The following DAAM2 variants were observed in gnomAD, a reference collection of about 807,000 sequenced individuals.
The protein encoded by DAAM2 is dishevelled associated activator of morphogenesis 2.
Under a neutral mutation model 120.7 loss-of-function variants are expected in DAAM2, and 39 were observed. That is an observed-to-expected ratio of 0.32 (90% CI 0.25 to 0.42). The LOEUF (loss-of-function observed/expected upper bound fraction) is 0.42, where lower values mean the gene tolerates loss of function less well. Ranked by LOEUF, DAAM2 falls within the 10% of genes least tolerant of loss-of-function variation. The pLI, the probability that DAAM2 is intolerant of heterozygous loss-of-function variation, is 1.00. For missense variants in DAAM2, 1,283 were observed against 1,401.7 expected (o/e 0.92, Z 1.35); for synonymous variants, 488 against 524.9 (o/e 0.93, Z 0.96).
chr6:39,795,565 G>A (rs1002466515), intron 1 of DAAM2, among the ~76,000 whole-genome samples: 10 of 152,168 alleles, frequency 6.6e-5, no homozygotes, highest in Non-Finnish European at 1.3e-4. Context: ...TAAGAACAGA[G>A]CTCAGAATGT....
chr6:39,880,841 T>A (rs1453026478), intron 14 of DAAM2, among the ~76,000 whole-genome samples: 1 of 152,190 alleles, frequency 6.6e-6, no homozygotes, highest in African/African-American at 2.4e-5. Context: ...ATTGTTGAGG[T>A]TGGTGACAGG....
Position 39,904,101 on chromosome 6 carries a change from G to A in DAAM2, c.*2064G>A, listed in dbSNP as rs972340078. On this transcript the variant is annotated 3_prime_UTR_variant, in exon 25 of 25. Coordinates refer to ENST00000274867, the MANE Select transcript of DAAM2 (RefSeq NM_001201427.2). ...GGGAACAGGGGAGGGCTCCACAAGC[G>A]TGTCTGGCATTCCCACCCACCATGG... The A allele has an allele frequency of 2.3e-5, 10 of 436,034 alleles. No individual in the cohort carries two copies. Among genetic ancestry groups the A allele is most frequent in the Admixed American group, 4.9e-5 (2 of 40,660 alleles). The allele number at this position is 436,034 out of a possible 1,614,324, so 27.0% of individuals were successfully genotyped here.
In DAAM2 at chr6:39,901,448, G is replaced by A. The variant is rs763667018; in HGVS notation, c.2958G>A (p.Glu986=). The change falls in exon 24 of 25, where the codon GAG becomes GAA. Residue 986 remains glutamate (E), a synonymous_variant. Transcript: ENST00000274867. This position sits in a 1 kb window ranked among gnomAD's most constrained non-coding sequence, Gnocchi z 4.5. ...EAMRRRKEEE[E]RRARMEAMLK... is the part of the protein sequence containing the mutation. Reference sequence around the variant, plus strand: ...TGAGGAGGAGGAAGGAGGAGGAGGAGCGGCGGGCGCGCATGGAAGCCATGG... The same window carrying A: ...TGAGGAGGAGGAAGGAGGAGGAGGAACGGCGGGCGCGCATGGAAGCCATGG... The A allele has an allele frequency of 3.1e-6, 5 of 1,610,326 alleles. No homozygotes were observed. The highest frequency in any genetic ancestry group is 2.2e-5 in the East Asian group (1 of 44,872).
intron 14 of DAAM2, among the ~76,000 whole-genome samples, chr6:39,880,764 T>A (rs1765081388): frequency 1.3e-5 from 2 of 152,214 alleles, no homozygotes; most frequent in Non-Finnish European, 2.9e-5. Flanking sequence ...TTCCCGGGCC[T>A]CTGATAACAT....
intron 1 of DAAM2, among the ~76,000 whole-genome samples, chr6:39,800,890 C>G (rs1441398645): frequency 6.6e-6 from 1 of 152,100 alleles, no homozygotes; most frequent in Admixed American, 6.5e-5. Flanking sequence ...GGACTTGACT[C>G]GAGGAACCCT....
intron 1 of DAAM2, among the ~76,000 whole-genome samples, chr6:39,852,589 T>C (rs1262673779): frequency 6.6e-6 from 1 of 152,228 alleles, no homozygotes; most frequent in Non-Finnish European, 1.5e-5. Context: ...GGAGGCCCGC[T>C]GCAGGGTGGC....
intron 1 of DAAM2, chr6:39,823,104 G>T (rs1196115905): frequency 2.0e-5 from 3 of 152,166 alleles, no homozygotes; most frequent in East Asian, 1.9e-4. Flanking sequence ...TAGTCCCCAG[G>T]TTTGTGTTTC....
chr6:39,845,546 A>G (rs1194832981), intron 1 of DAAM2, among the ~76,000 whole-genome samples: 2 of 150,604 alleles, frequency 1.3e-5, no homozygotes, highest in African/African-American at 2.5e-5. Context: ...ATACATAAAC[A>G]TACACCATAC....
intron 1 of DAAM2, among the ~76,000 whole-genome samples, chr6:39,827,939 G>A (rs1762736015): frequency 6.6e-6 from 1 of 151,970 alleles, no homozygotes; most frequent in Non-Finnish European, 1.5e-5. Context: ...GGAACGCCTC[G>A]CTGTCCTTGG....
At chr6:39,843,300 G>A (rs567473720) in intron 1 of DAAM2, among the ~76,000 whole-genome samples, 52 of 152,278 alleles carry the variant, frequency 3.4e-4, no homozygotes, top group African/African-American at 1.2e-3. Flanking sequence ...AGCAGGGAGT[G>A]TGGAGTGGAG....
intron 1 of DAAM2, among the ~76,000 whole-genome samples, chr6:39,840,671 G>A (rs1293173963): frequency 6.6e-6 from 1 of 152,052 alleles, no homozygotes; most frequent in Non-Finnish European, 1.5e-5. Flanking sequence ...GGGGAGTTTT[G>A]GAGGGGAGAG....
At chr6:39,833,213 TC>T (rs1209202715) in intron 1 of DAAM2, among the ~76,000 whole-genome samples, 2 of 152,194 alleles carry the variant, frequency 1.3e-5, no homozygotes, top group African/African-American at 4.8e-5. Flanking sequence ...TACTTTCTTT[TC>T]CTCCTAGTAC....
At chr6:39,806,146 A>G (rs1285455783) in intron 1 of DAAM2, among the ~76,000 whole-genome samples, 1 of 152,192 alleles carries the variant, frequency 6.6e-6, no homozygotes, top group East Asian at 1.9e-4. Flanking sequence ...AGAAGTGAAG[A>G]TTATTGCTAT....
At position 39,904,380 on chromosome 6, in the gene DAAM2, G is replaced by T. The variant is rs1336881783; in HGVS notation, c.*2343G>T. ...GGACCATGGACTCATACTCAACTGA[G>T]TAAGAAGGGGCTGGTGCCCAGTCGG... is the stretch of plus-strand genomic sequence containing the variant. On this transcript the variant is annotated 3_prime_UTR_variant, in exon 25 of 25. Transcript: ENST00000274867. The T allele has an allele frequency of 1.1e-5, 5 of 456,378 alleles. No individual in the cohort carries two copies. The Admixed American group carries it at 1.2e-4, about 11-fold the overall frequency. The allele number at this position is 456,378 out of a possible 1,614,324, so 28.3% of individuals were successfully genotyped here. A position where few individuals can be genotyped will look rare whatever the true frequency, so the allele number is the denominator to read the frequency against.
chr6:39,861,377 T>G, intron 3 of DAAM2: 1 of 366,970 alleles, frequency 2.7e-6, no homozygotes, highest in Admixed American at 3.7e-5. Context: ...AAGAAATCAG[T>G]TTGGGGGGCA....
chr6:39,801,363 A>AT (rs1761857381), intron 1 of DAAM2, among the ~76,000 whole-genome samples: 1 of 152,072 alleles, frequency 6.6e-6, no homozygotes. Context: ...CCCCAACCCC[A>AT]TGCTAATCTG....
In DAAM2 at chr6:39,901,069, G is replaced by T. The variant is rs1260884228; in HGVS notation, c.2812-233G>T. On this transcript the variant is annotated intron_variant, in intron 23 of 24. Coordinates refer to ENST00000274867, the MANE Select transcript of DAAM2 (RefSeq NM_001201427.2). This position sits in a 1 kb window ranked among gnomAD's most constrained non-coding sequence, Gnocchi z 4.5. ...ATGCCTACCCCTTACAGGCCCAGGG[G>T]TGGCTCTAAGGTGGACTGAGTGAGC... Among the ~76,000 whole-genome samples the T allele has an allele frequency of 6.6e-6, 1 of 152,102 alleles. No individual in the cohort carries two copies. Among genetic ancestry groups the T allele is most frequent in the Non-Finnish European group, 1.5e-5 (1 of 68,016 alleles).
Position 39,864,428 on chromosome 6 carries a change from T to A in DAAM2, c.259-5T>A. The A allele has an allele frequency of 6.2e-7, 1 of 1,612,444 alleles. No homozygotes were observed. The highest frequency in any genetic ancestry group is 8.5e-7 in the Non-Finnish European group (1 of 1,179,398). On this transcript the variant is annotated splice_polypyrimidine_tract_variant and splice_region_variant and intron_variant, in intron 3 of 24. Coordinates refer to ENST00000274867, the MANE Select transcript of DAAM2 (RefSeq NM_001201427.2). ...TGGTCCATGCTGTCCTTTTTCTTGT[T>A]TCAGGAGCAGGAGGACCCCAACAAG...
chr6:39,896,740 T>C lies in DAAM2; in HGVS notation c.2342-72T>C, dbSNP rs9380908. On this transcript the variant is annotated intron_variant, in intron 19 of 24. Transcript: ENST00000274867. Reference sequence around the variant, plus strand: ...CTTTTCTGAACTTTGCGGTGGCATCTTCCTGGGGTGCAATGAGAACTGCTG... The same window carrying C: ...CTTTTCTGAACTTTGCGGTGGCATCCTCCTGGGGTGCAATGAGAACTGCTG... 0.016 allele frequency: 22,122 copies of C among 1,371,898 alleles called. 949 individuals are homozygous for C. In the East Asian group the frequency reaches 0.17, roughly 10 times the overall value. The allele number at this position is 1,371,898 out of a possible 1,614,324, so 85.0% of individuals were successfully genotyped here.
Sources: allele counts gnomAD v4.1 joint callset (sites outside exome capture counted in the v4.1 genomes callset), GRCh38; gene constraint gnomAD v4.1.1; non-coding constraint Gnocchi (gnomAD v3.1); transcripts MANE v1.5; gene names NCBI Gene and HGNC (gene_info 2026-07-23, HGNC 2026-07-21).